Variants in MPDZ observed in about 807,000 individuals in gnomAD.
The protein encoded by MPDZ is multiple PDZ domain protein.
Under a neutral mutation model 239.1 loss-of-function variants are expected in MPDZ, and 234 were observed. That is an observed-to-expected ratio of 0.98 (90% CI 0.88 to 1.09). The LOEUF is 1.09. Among genes scored for constraint, MPDZ ranks in the 50% least tolerant of loss-of-function variants. The probability of loss-of-function intolerance (pLI) is 0.00; values close to 1 mark genes in which losing one functional copy is unlikely to be tolerated. For synonymous variants in MPDZ, 1,048 were observed against 881.3 expected, an observed-to-expected ratio of 1.19 and a Z score of -3.35; for missense variants, 3,175 against 2,510.0, an observed-to-expected ratio of 1.26 and a Z score of -5.66.
chr9:13,236,049 C>A (rs1305278861), intron 3 of MPDZ, among the ~76,000 whole-genome samples: 1 of 151,274 alleles, frequency 6.6e-6, no homozygotes, highest in Non-Finnish European at 1.5e-5. Context: ...GAGGAGTTAA[C>A]AGATTATTTT....
chr9:13,257,895 T>C (rs1238132321), intron 1 of MPDZ, among the ~76,000 whole-genome samples: 1 of 152,200 alleles, frequency 6.6e-6, no homozygotes, highest in Admixed American at 6.6e-5. Flanking sequence ...AACTTGGACA[T>C]CTGTTATTTT....
Position 13,219,692 on chromosome 9 carries a change from A to G in MPDZ, c.953T>C (p.Val318Ala). ...TCCACATTGCCTAAGGACTTGTGCT[A>G]CTTGCTCACTGCTCATTCCTGCTAG... ...TDLAGMSSEQVAQVLRQCGNR... is the reference protein window; with the variant it reads ...TDLAGMSSEQAAQVLRQCGNR... The change falls in exon 8 of 47, where the codon GTA (valine) becomes GCA (alanine). Residue 318 changes from valine (V) to alanine (A), a missense_variant. Val to Ala is a moderately conservative substitution (Grantham distance 64, BLOSUM62 0). Coordinates refer to ENST00000319217, the MANE Select transcript of MPDZ (RefSeq NM_001378778.1). 1.2e-6 allele frequency: 2 copies of G among 1,612,786 alleles called. No individual in the cohort carries two copies. Among genetic ancestry groups the G allele is most frequent in the Non-Finnish European group, 1.7e-6 (2 of 1,179,256 alleles).
chr9:13,129,677 G>A (rs895192031), intron 32 of MPDZ, among the ~76,000 whole-genome samples: 2 of 151,966 alleles, frequency 1.3e-5, no homozygotes, highest in Non-Finnish European at 2.9e-5. Context: ...CTACCATACA[G>A]GGAATAGAAA....
intron 22 of MPDZ, chr9:13,165,562 C>G: frequency 1.4e-6 from 1 of 720,766 alleles, no homozygotes; most frequent in Non-Finnish European, 2.2e-6. Context: ...CCATCTACAC[C>G]TCCCCCAGAA....
In MPDZ at chr9:13,196,568, TGTC is replaced by T. The variant is rs370055390; in HGVS notation, c.1547-341_1547-339del. On this transcript the variant is annotated intron_variant, in intron 12 of 46. Coordinates refer to ENST00000319217, the MANE Select transcript of MPDZ (RefSeq NM_001378778.1). ...CTGGTAATGCTACAGTAAAAAGGGA[TGTC>T]GTCTTCAATGTTCTCTGTTTTATTT... 1.8e-4 allele frequency among the ~76,000 whole-genome samples: 27 copies of T among 152,272 alleles called. 1 individual carries two copies. The South Asian group carries it at 5.0e-3, about 28-fold the overall frequency.
chr9:13,140,925 G>C (rs912259458), intron 27 of MPDZ: 3 of 152,144 alleles, frequency 2.0e-5, no homozygotes, highest in African/African-American at 7.2e-5. Flanking sequence ...CAGAGAGCCA[G>C]TTTGTTAGCA....
In MPDZ at chr9:13,197,299, GTTTA is replaced by G. The variant is rs549159263; in HGVS notation, c.1547-1073_1547-1070del. The stretch of plus-strand genomic sequence containing the variant: ...GAAATATGTTCCAGTGTTTTTGTTT[GTTTA>G]TTTGTTTGTTTTTAAATTAGATGGG... On this transcript the variant is annotated intron_variant, in intron 12 of 46. Coordinates refer to ENST00000319217, the MANE Select transcript of MPDZ (RefSeq NM_001378778.1). Among the ~76,000 whole-genome samples the G allele has an allele frequency of 4.6e-5, 7 of 151,844 alleles. No homozygotes were observed. In the South Asian group the frequency reaches 6.2e-4, roughly 14 times the overall value.
chr9:13,279,297 C>G (rs1407892725), intron 1 of MPDZ, 103 bp downstream of exon 1: 7 of 140,030 alleles, frequency 5.0e-5, no homozygotes, highest in Admixed American at 4.2e-4. Flanking sequence ...ACCCCCACCC[C>G]CAAGCGCCGA....
chr9:13,190,037 A>T, intron 16 of MPDZ, 77 bp downstream of exon 16: 1 of 1,311,840 alleles, frequency 7.6e-7, no homozygotes, highest in African/African-American at 1.5e-5. Flanking sequence ...TTTGATGGTT[A>T]TAAACTATCA....
chr9:13,122,219 A>T (rs1475207290), intron 36 of MPDZ, 49 bp from the exon 37 acceptor site: 1 of 1,553,938 alleles, frequency 6.4e-7, no homozygotes, highest in East Asian at 2.2e-5. Context: ...TCTCCTAGGA[A>T]TGGTGAGCAG....
At chr9:13,183,325 T>TA (rs1953622430) in intron 19 of MPDZ, 93 bp downstream of exon 19, 1 of 977,894 alleles carries the variant, frequency 1.0e-6, no homozygotes, top group African/African-American at 1.7e-5. Flanking sequence ...ATGTCTCCAA[T>TA]ATGTTATTCC....
At chr9:13,149,879 C>T (rs1274241164) in intron 25 of MPDZ, among the ~76,000 whole-genome samples, 1 of 151,816 alleles carries the variant, frequency 6.6e-6, no homozygotes, top group African/African-American at 2.4e-5. Context: ...GAACACAGCA[C>T]TGAAAAGGAG....
chr9:13,258,413 C>T (rs1050952266), intron 1 of MPDZ, among the ~76,000 whole-genome samples: 12 of 152,182 alleles, frequency 7.9e-5, no homozygotes, highest in African/African-American at 2.7e-4. Flanking sequence ...TGGCTTGCAG[C>T]TTGTCAGAGT....
intron 3 of MPDZ, among the ~76,000 whole-genome samples, chr9:13,244,917 A>AT (rs1966244358): frequency 6.6e-6 from 1 of 152,158 alleles, no homozygotes; most frequent in African/African-American, 2.4e-5. Context: ...TCTAAAAAAA[A>AT]CAGGAGACTG....
At chr9:13,124,504 T>C (rs1944834043) in intron 35 of MPDZ, among the ~76,000 whole-genome samples, 1 of 152,224 alleles carries the variant, frequency 6.6e-6, no homozygotes, top group South Asian at 2.1e-4. Context: ...TTTGTTTTGA[T>C]GCTGCAGAGC....
intron 10 of MPDZ, among the ~76,000 whole-genome samples, chr9:13,215,025 T>C (rs1006875744): frequency 2.6e-5 from 4 of 151,984 alleles, no homozygotes; most frequent in Non-Finnish European, 5.9e-5. Context: ...AATAGTACAA[T>C]TCAATAGTGC....
rs1464712387 is a variant in MPDZ at position 13,221,347 on chromosome 9, T to C, written c.876+25A>G. The C allele has an allele frequency of 1.9e-6, 3 of 1,576,482 alleles. No homozygotes were observed. The South Asian group carries it at 3.6e-5, about 19-fold the overall frequency. On this transcript the variant is annotated intron_variant, in intron 7 of 46. Transcript: ENST00000319217. ...ACCCATATTATTTGATAAAATAGCATAAAAGATCTATTGATGTAGCCTACC... is the reference window on the plus strand; with the variant it reads ...ACCCATATTATTTGATAAAATAGCACAAAAGATCTATTGATGTAGCCTACC...
At chr9:13,158,606 A>AT (rs1395320439) in intron 23 of MPDZ, among the ~76,000 whole-genome samples, 7 of 152,138 alleles carry the variant, frequency 4.6e-5, no homozygotes, top group Non-Finnish European at 8.8e-5. Flanking sequence ...TTTTCTTTCC[A>AT]TTTTTGAAAA....
chr9:13,240,574 TAAAAGTAAAA>T (rs1360829380), intron 3 of MPDZ, among the ~76,000 whole-genome samples: 1 of 4,514 alleles, frequency 2.2e-4, no homozygotes, highest in Non-Finnish European at 5.1e-4. Flanking sequence ...TGTAACATAA[TAAAAGTAAAA>T]AAAAAAAAAA....
Sources: gnomAD v4.1 joint callset for allele counts (sites outside exome capture counted in the v4.1 genomes callset) on GRCh38, gnomAD v4.1.1 for gene constraint, MANE v1.5 for transcripts, NCBI Gene and HGNC (gene_info 2026-07-23, HGNC 2026-07-21) for gene names.